The following RBM4 variants were observed in gnomAD, a reference collection of about 807,000 sequenced individuals.
RBM4 encodes the protein RNA-binding protein 4.
In RBM4, 7 loss-of-function variants were observed where a neutral mutation model predicts 29.5. That is an observed-to-expected ratio of 0.24 (90% CI 0.14 to 0.45). The LOEUF (loss-of-function observed/expected upper bound fraction) is 0.45, where lower values mean the gene tolerates loss of function less well. Among genes scored for constraint, RBM4 ranks in the 20% least tolerant of loss-of-function variants. The probability of loss-of-function intolerance (pLI) is 1.00; values close to 1 mark genes in which losing one functional copy is unlikely to be tolerated. For synonymous variants in RBM4, 220 were observed against 205.4 expected (o/e 1.07, Z -0.61); for missense variants, 387 against 502.3 (o/e 0.77, Z 2.19).
At chr11:66,641,790 G>A (rs1330120890) in intron 2 of RBM4, among the ~76,000 whole-genome samples, 2 of 152,190 alleles carry the variant, frequency 1.3e-5, no homozygotes, top group African/African-American at 4.8e-5. Context: ...TTGATGAGCA[G>A]TAGTTATTAG....
In RBM4 at chr11:66,644,072, C is replaced by T. The variant is rs1938584211; in HGVS notation, c.1035C>T (p.Tyr345=). 9 of 1,613,882 alleles carry T rather than the reference C, an allele frequency of 5.6e-6. No individual in the cohort carries two copies. Among genetic ancestry groups the T allele is most frequent in the Admixed American group, 1.7e-5 (1 of 59,998 alleles). The change falls in exon 3 of 4, where the codon TAC becomes TAT. Residue 345 remains tyrosine, a synonymous_variant. Coordinates refer to ENST00000310092, the MANE Select transcript of RBM4 (RefSeq NM_002896.4). ...CAGCAGCCGCGCGGAATTCTCTGTACGACATGGCCCGGTATGAGCGGGAGC... is the reference window on the plus strand; with the variant it reads ...CAGCAGCCGCGCGGAATTCTCTGTATGACATGGCCCGGTATGAGCGGGAGC... ...QASAAARNSL[Y]DMARYEREQY...
chr11:66,658,445 C>T (rs1939003453), intron 2 of RBM4, among the ~76,000 whole-genome samples: 1 of 144,234 alleles, frequency 6.9e-6, no homozygotes, highest in Non-Finnish European at 1.5e-5. Flanking sequence ...GGGGGTTTCT[C>T]CCGCCAGGGA....
rs1331544562 is a variant in RBM4, at chr11:66,644,109, C to T, written c.1072C>T (p.Arg358Trp). The T allele has an allele frequency of 1.9e-6, 3 of 1,613,714 alleles. No individual in the cohort carries two copies. Among genetic ancestry groups the T allele is most frequent in the Admixed American group, 1.7e-5 (1 of 59,982 alleles). Reference sequence around the variant, plus strand: ...GTATGAGCGGGAGCAGTATGCCGATCGGGCGCGGTACTCAGCCTTTTAAAG... The same window carrying T: ...GTATGAGCGGGAGCAGTATGCCGATTGGGCGCGGTACTCAGCCTTTTAAAG... ...ARYEREQYAD[R>W]ARYSAF The change falls in exon 3 of 4, where the codon CGG becomes TGG. Residue 358 changes from arginine (R) to tryptophan (W), a missense_variant. Around this residue, in one of 2 missense-constraint regions of RBM4, gnomAD observed 281 missense variants for 288.7 expected, o/e 0.97. Transcript: ENST00000310092.
At chr11:66,654,357 G>A (rs1938898709) in intron 2 of RBM4, among the ~76,000 whole-genome samples, 1 of 151,772 alleles carries the variant, frequency 6.6e-6, no homozygotes, top group Non-Finnish European at 1.5e-5. Flanking sequence ...TTAGCTGGGC[G>A]TGGTGGCGGG....
chr11:66,642,122 C>G (rs1042568602), intron 2 of RBM4, among the ~76,000 whole-genome samples: 2 of 152,220 alleles, frequency 1.3e-5, no homozygotes, highest in Admixed American at 1.3e-4. Context: ...ACCTAAACTT[C>G]CAGCTGTGTA....
At chr11:66,665,413 A>ACTTC in intron 2 of RBM4, 1 of 654,716 alleles carries the variant, frequency 1.5e-6, no homozygotes. Flanking sequence ...TTTCAGGAGG[A>ACTTC]AAGAAAAGTC....
intron 2 of RBM4, among the ~76,000 whole-genome samples, chr11:66,658,946 AAAT>A (rs1321136681): frequency 1.0e-4 from 15 of 146,560 alleles, no homozygotes; most frequent in Admixed American, 2.0e-4. Context: ...CAAAAAAAAA[AAAT>A]ATATATATAT....
chr11:66,665,323 G>A (rs1479629785), intron 2 of RBM4: 4 of 530,800 alleles, frequency 7.5e-6, no homozygotes, highest in Non-Finnish European at 1.3e-5. Context: ...CAGGAAAAAG[G>A]GGATGCCAGC....
chr11:66,645,937 G>A, intron 3 of RBM4, 90 bp from the exon 4 acceptor site: 3 of 1,533,672 alleles, frequency 2.0e-6, no homozygotes, highest in Non-Finnish European at 2.6e-6. Flanking sequence ...GGAGTGTCAA[G>A]TTATCAGACT....
downstream of RBM4, among the ~76,000 whole-genome samples, chr11:66,650,570 TTAATAA>T (rs772326667): frequency 1.0e-4 from 15 of 147,894 alleles, no homozygotes; most frequent in African/African-American, 2.5e-4. Context: ...AAAGTCTGTC[TTAATAA>T]TAATAGGCCA....
At chr11:66,662,381 T>A (rs1377695382) in intron 2 of RBM4, among the ~76,000 whole-genome samples, 1 of 152,058 alleles carries the variant, frequency 6.6e-6, no homozygotes, top group African/African-American at 2.4e-5. Flanking sequence ...GCCAATGACA[T>A]AGAAATCAAG....
chr11:66,657,210 G>C (rs1331444134), intron 2 of RBM4, among the ~76,000 whole-genome samples: 1 of 149,578 alleles, frequency 6.7e-6, no homozygotes, highest in Non-Finnish European at 1.5e-5. Context: ...AACCTTCTGA[G>C]CTGAAGCGGT....
chr11:66,649,468 C>G (rs1011153906), downstream of RBM4, among the ~76,000 whole-genome samples: 16 of 152,264 alleles, frequency 1.1e-4, no homozygotes, highest in South Asian at 6.2e-4. Flanking sequence ...AGTTTGAGCC[C>G]AAGAGTTTCA....
intron 2 of RBM4, among the ~76,000 whole-genome samples, chr11:66,662,296 C>G (rs1297355568): frequency 2.6e-5 from 4 of 152,212 alleles, no homozygotes; most frequent in Non-Finnish European, 2.9e-5. Context: ...AGATATGGAA[C>G]ACTTCCATCA....
intron 2 of RBM4, chr11:66,665,603 G>C: frequency 7.8e-6 from 12 of 1,535,892 alleles, no homozygotes; most frequent in Non-Finnish European, 8.7e-6. Context: ...AACACAAGAG[G>C]CTTACACAAT....
intron 2 of RBM4, among the ~76,000 whole-genome samples, chr11:66,658,337 C>CTTTTTTTTTTTTTTTTT (rs35133059): frequency 5.9e-5 from 3 of 50,458 alleles, no homozygotes; most frequent in African/African-American, 7.8e-5. Context: ...CTAGTCTGAC[C>CTTTTTTTTTTTTTTTTT]TTTTTTTTTT....
In RBM4 at chr11:66,665,876, G is replaced by GT. The variant is rs1184426082; in HGVS notation, c.433_434insT (p.Glu145ValfsTer7). Reference sequence around the variant, plus strand: ...TTTAGGCAAGATAACCCCTGTGACAGAAGGCTACTGTTGCTGTAACAAAGG... The same window carrying GT: ...TTTAGGCAAGATAACCCCTGTGACAGTAAGGCTACTGTTGCTGTAACAAAGG... On this transcript the variant is annotated frameshift_variant, in exon 3 of 3. Coordinates refer to the RBM4 transcript ENST00000396053. LOFTEE classifies it low-confidence loss of function (END_TRUNC). 6.5e-7 allele frequency: 1 copy of GT among 1,534,062 alleles called. No homozygotes were observed.
At position 66,646,109 on chromosome 11, in the gene RBM4, C is replaced by G. The variant is rs550578301; in HGVS notation, c.*91C>G. 1 of 1,535,194 alleles carries G rather than the reference C, an allele frequency of 6.5e-7. No individual in the cohort carries two copies. Among genetic ancestry groups the G allele is most frequent in the South Asian group, 1.2e-5 (1 of 84,002 alleles). On this transcript the variant is annotated 3_prime_UTR_variant, in exon 4 of 4. Coordinates refer to ENST00000310092, the MANE Select transcript of RBM4 (RefSeq NM_002896.4). The stretch of plus-strand genomic sequence containing the variant: ...CGTGGTACCCCATCTCCGGGACGTT[C>G]TCGGCTCTGTGCGTTCAGTCCCTCA...
Position 66,643,838 on chromosome 11 carries a change from C to T in RBM4, c.801C>T (p.Thr267=). The change falls in exon 3 of 4, where the codon ACC becomes ACT. Residue 267 remains threonine (T), a synonymous_variant. Coordinates refer to ENST00000310092, the MANE Select transcript of RBM4 (RefSeq NM_002896.4). This position sits in a 1 kb window ranked among gnomAD's most constrained non-coding sequence, Gnocchi z 6.1. ...CCATGGCCAGTCACCTCACCTCCAC[C>T]TCTCTCGATCCCTACGATAGACACC... ...NTAMASHLTS[T]SLDPYDRHLL... is the part of the protein sequence containing the mutation. 6.2e-7 allele frequency: 1 copy of T among 1,614,008 alleles called. No individual in the cohort carries two copies. The highest frequency in any genetic ancestry group is 8.5e-7 in the Non-Finnish European group (1 of 1,180,000).
Sources: gnomAD v4.1 joint callset for allele counts (sites outside exome capture counted in the v4.1 genomes callset) on GRCh38, gnomAD v4.1.1 for gene constraint, gnomAD v4.1.1 regional missense constraint, Gnocchi (gnomAD v3.1) non-coding constraint, MANE v1.5 for transcripts, NCBI Gene and HGNC (gene_info 2026-07-23, HGNC 2026-07-21) for gene names.